The following ZFYVE28 variants were observed in gnomAD, a reference collection of about 807,000 sequenced individuals.
ZFYVE28 encodes the protein zinc finger FYVE-type containing 28, also known as lateral signaling target protein 2 homolog.
ZFYVE28 carries 40 observed loss-of-function variants against 82.1 expected under a neutral mutation model. The observed-to-expected ratio is 0.49, with a 90% CI of 0.38 to 0.63. The LOEUF is 0.63. Ranked by LOEUF, ZFYVE28 falls within the 30% of genes least tolerant of loss-of-function variation. ZFYVE28 has a pLI of 0.00. For synonymous variants in ZFYVE28, 612 were observed against 546.1 expected (o/e 1.12, Z -1.68); for missense variants, 1,321 against 1,242.1 (o/e 1.06, Z -0.96).
intron 6 of ZFYVE28, chr4:2,330,063 TC>T (rs1171020781): frequency 6.2e-6 from 1 of 161,852 alleles, no homozygotes; most frequent in African/African-American, 2.4e-5. Flanking sequence ...AATAGCCAAA[TC>T]TATAGAAACA....
rs375728630 is a variant in ZFYVE28, at chr4:2,337,637, G to T, written c.522-141C>A. 50 of 616,388 alleles carry T rather than the reference G, an allele frequency of 8.1e-5. No individual in the cohort carries two copies. In the South Asian group the frequency reaches 1.1e-3, roughly 13 times the overall value. The allele number at this position is 616,388 out of a possible 1,614,324, so 38.2% of individuals were successfully genotyped here. Reference sequence around the variant, plus strand: ...GGCCTCACGCCTGTAATCCCAGCACGTTGGGAGTCTGAGGTGGGAGGATGG... The same window carrying T: ...GGCCTCACGCCTGTAATCCCAGCACTTTGGGAGTCTGAGGTGGGAGGATGG... On this transcript the variant is annotated intron_variant, in intron 4 of 12. Coordinates refer to ENST00000290974, the MANE Select transcript of ZFYVE28 (RefSeq NM_020972.3).
At chr4:2,310,277 G>A (rs1327461047) in intron 7 of ZFYVE28, among the ~76,000 whole-genome samples, 3 of 152,072 alleles carry the variant, frequency 2.0e-5, no homozygotes, top group Non-Finnish European at 4.4e-5. Context: ...GGGCTCAAGC[G>A]ATCCTCCTGC....
chr4:2,404,857 CTT>C (rs11404626), intron 1 of ZFYVE28, among the ~76,000 whole-genome samples: 2 of 110,992 alleles, frequency 1.8e-5, no homozygotes, highest in African/African-American at 7.1e-5. Flanking sequence ...CAGTCTCGCT[CTT>C]TTTTTTTTTT....
rs1430819065 is a variant in ZFYVE28 at position 2,408,674 on chromosome 4, T to C, written c.39+9611A>G. 1.3e-5 allele frequency among the ~76,000 whole-genome samples: 2 copies of C among 151,936 alleles called. No homozygotes were observed. The highest frequency in any genetic ancestry group is 2.9e-5 in the Non-Finnish European group (2 of 67,982). On this transcript the variant is annotated intron_variant, in intron 1 of 12. Coordinates refer to ENST00000290974, the MANE Select transcript of ZFYVE28 (RefSeq NM_020972.3). The surrounding 1 kb of genome is among the most constrained non-coding windows in gnomAD (Gnocchi z 4.3). Reference sequence around the variant, plus strand: ...CCATCCAGATAGAGTCCCGCCCAGATGAGTACCACCCAGGTAAGCCTGCCT... The same window carrying C: ...CCATCCAGATAGAGTCCCGCCCAGACGAGTACCACCCAGGTAAGCCTGCCT...
At chr4:2,275,430 C>T (rs750629274) in intron 8 of ZFYVE28, among the ~76,000 whole-genome samples, 7 of 152,216 alleles carry the variant, frequency 4.6e-5, no homozygotes, top group Non-Finnish European at 4.4e-5. Context: ...TTACTCTTGA[C>T]GTTTAAATTT....
intron 1 of ZFYVE28, among the ~76,000 whole-genome samples, chr4:2,414,232 G>C (rs73205471): frequency 0.06 from 9,188 of 152,356 alleles, 413 homozygotes; most frequent in Non-Finnish European, 0.1. Context: ...CCGAAGGGCA[G>C]GAAGTCCCAT....
chr4:2,284,569 G>A (rs1331558964), intron 8 of ZFYVE28, among the ~76,000 whole-genome samples: 1 of 152,238 alleles, frequency 6.6e-6, no homozygotes, highest in Non-Finnish European at 1.5e-5. Flanking sequence ...AGGCCTTGCT[G>A]CCCGGTCACA....
chr4:2,292,273 A>G (rs1256964285), intron 8 of ZFYVE28, among the ~76,000 whole-genome samples: 1 of 152,170 alleles, frequency 6.6e-6, no homozygotes, highest in Non-Finnish European at 1.5e-5. Context: ...GGACTCAGTG[A>G]GACCCAGCTG....
At chr4:2,280,552 CAT>C (rs1472689159) in intron 8 of ZFYVE28, among the ~76,000 whole-genome samples, 3 of 152,134 alleles carry the variant, frequency 2.0e-5, no homozygotes, top group Non-Finnish European at 4.4e-5. Flanking sequence ...TTAGAGATGT[CAT>C]ATGTACATAA....
Position 2,333,407 on chromosome 4 carries a change from C to T in ZFYVE28, c.701+2298G>A, listed in dbSNP as rs534611462. 1.1e-4 allele frequency among the ~76,000 whole-genome samples: 17 copies of T among 151,532 alleles called. No homozygotes were observed. In the South Asian group the frequency reaches 1.7e-3, roughly 15 times the overall value. On this transcript the variant is annotated intron_variant, in intron 6 of 12. Transcript: ENST00000290974. ...TGGCCACCAGCAGGTGGACTGAGGTCGGCAAGCAGGACACAGATGATACTG... is the reference window on the plus strand; with the variant it reads ...TGGCCACCAGCAGGTGGACTGAGGTTGGCAAGCAGGACACAGATGATACTG...
At chr4:2,322,605 A>G (rs60804291) in intron 6 of ZFYVE28, among the ~76,000 whole-genome samples, 27,048 of 152,058 alleles carry the variant, frequency 0.18, 2,564 homozygotes, top group South Asian at 0.2. Flanking sequence ...TCTTTTTTCA[A>G]ATAAATTCAT....
intron 1 of ZFYVE28, among the ~76,000 whole-genome samples, chr4:2,363,914 C>T (rs1006983325): frequency 1.3e-5 from 2 of 152,210 alleles, no homozygotes; most frequent in African/African-American, 4.8e-5. Flanking sequence ...ATCCCACTTC[C>T]AATAAGCAAT....
intron 1 of ZFYVE28, among the ~76,000 whole-genome samples, chr4:2,360,865 G>A (rs1391449838): frequency 2.0e-5 from 3 of 152,188 alleles, no homozygotes; most frequent in Admixed American, 1.3e-4. Flanking sequence ...ATGGGGAGGG[G>A]CGGTTAATGT....
At chr4:2,317,602 C>G (rs1339579220) in intron 7 of ZFYVE28, among the ~76,000 whole-genome samples, 1 of 152,084 alleles carries the variant, frequency 6.6e-6, no homozygotes, top group Non-Finnish European at 1.5e-5. Flanking sequence ...TGGCAAACGT[C>G]TCTAGCAGTG....
At chr4:2,337,350 A>G in intron 5 of ZFYVE28, 57 bp downstream of exon 5, 2 of 1,487,490 alleles carry the variant, frequency 1.3e-6, no homozygotes, top group East Asian at 2.5e-5. Flanking sequence ...CCGGGCCTGG[A>G]GTGAGGCAGG....
chr4:2,354,380 G>A (rs1724927741), intron 1 of ZFYVE28, among the ~76,000 whole-genome samples: 1 of 152,018 alleles, frequency 6.6e-6, no homozygotes, highest in Non-Finnish European at 1.5e-5. Context: ...CTCTGGTGGA[G>A]AGCCCACAGA....
intron 10 of ZFYVE28, among the ~76,000 whole-genome samples, chr4:2,272,050 T>C (rs1244689815): frequency 6.6e-6 from 1 of 152,196 alleles, no homozygotes; most frequent in African/African-American, 2.4e-5. Context: ...CTGGAGCCCC[T>C]GCATGGCACG....
In ZFYVE28 at chr4:2,304,609, C is replaced by G; in HGVS notation, c.1731G>C (p.Val577=). 6.2e-7 allele frequency: 1 copy of G among 1,612,354 alleles called. No individual in the cohort carries two copies. Among genetic ancestry groups the G allele is most frequent in the Non-Finnish European group, 8.5e-7 (1 of 1,179,782 alleles). The change falls in exon 8 of 13, where the codon GTG becomes GTC. Residue 577 remains valine, a synonymous_variant. Transcript: ENST00000290974. ...TGCACTTCTCCCGCAGACGCTCCAC[C>G]ACGTCCTCCCTGCTGTCCCCGCAGC... ...CGSCGDSRED[V]VERLREKCSP...
chr4:2,413,525 G>A (rs931274886), intron 1 of ZFYVE28, among the ~76,000 whole-genome samples: 3 of 151,946 alleles, frequency 2.0e-5, no homozygotes, highest in Non-Finnish European at 4.4e-5. Flanking sequence ...AGCCCCCTCC[G>A]TGCCAGGCGC....
Sources: gnomAD v4.1 joint callset for allele counts (sites outside exome capture counted in the v4.1 genomes callset) on GRCh38, gnomAD v4.1.1 for gene constraint, Gnocchi (gnomAD v3.1) non-coding constraint, MANE v1.5 for transcripts, NCBI Gene and HGNC (gene_info 2026-07-23, HGNC 2026-07-21) for gene names.